Variants in GPC6 observed in about 807,000 individuals in gnomAD.
GPC6 encodes the protein glypican 6.
GPC6 carries 14 observed loss-of-function variants against 55.2 expected under a neutral mutation model. That is an observed-to-expected ratio of 0.25 (90% CI 0.17 to 0.40). GPC6 has a LOEUF of 0.40. GPC6 is among the 10% of genes least tolerant of loss of function. The pLI is 1.00. For synonymous variants in GPC6, 278 were observed against 259.6 expected, an observed-to-expected ratio of 1.07 and a Z score of -0.68; for missense variants, 641 against 708.5, an observed-to-expected ratio of 0.90 and a Z score of 1.08.
intron 2 of GPC6, among the ~76,000 whole-genome samples, chr13:93,764,115 T>C (rs1397077866): frequency 6.6e-6 from 1 of 152,152 alleles, no homozygotes; most frequent in Non-Finnish European, 1.5e-5. Context: ...TCCTCTTAAT[T>C]TAGATACCTA....
upstream of GPC6, among the ~76,000 whole-genome samples, chr13:93,224,613 C>T (rs1027235396): frequency 6.6e-6 from 1 of 152,344 alleles, no homozygotes; most frequent in East Asian, 1.9e-4. Context: ...CAGATGCCTG[C>T]TCCTCCATAT....
intron 1 of GPC6, among the ~76,000 whole-genome samples, chr13:93,486,057 A>C (rs530408016): frequency 1.3e-5 from 2 of 152,238 alleles, no homozygotes; most frequent in Non-Finnish European, 2.9e-5. Flanking sequence ...TAATAAGCCA[A>C]GCAAGAAAAT....
chr13:93,598,417 G>A (rs1051109242), intron 2 of GPC6, among the ~76,000 whole-genome samples: 2 of 152,098 alleles, frequency 1.3e-5, no homozygotes, highest in African/African-American at 2.4e-5. Context: ...TGGGACTCAG[G>A]TGAATTAGTA....
chr13:94,307,626 C>A (rs1390257600), intron 6 of GPC6, among the ~76,000 whole-genome samples: 2 of 152,200 alleles, frequency 1.3e-5, no homozygotes, highest in Non-Finnish European at 2.9e-5. Context: ...TACATCTATT[C>A]TCTATTGCAG....
At chr13:94,267,729 T>C (rs1379485711) in intron 4 of GPC6, among the ~76,000 whole-genome samples, 1 of 152,206 alleles carries the variant, frequency 6.6e-6, no homozygotes, top group East Asian at 1.9e-4. Flanking sequence ...TGCTTTGCTG[T>C]GATGAGTGAG....
intron 2 of GPC6, among the ~76,000 whole-genome samples, chr13:93,704,528 G>T (rs181766875): frequency 3.5e-4 from 53 of 151,746 alleles, no homozygotes; most frequent in African/African-American, 1.2e-3. Context: ...TTTCTTAACT[G>T]CATTATTTAA....
intron 3 of GPC6, among the ~76,000 whole-genome samples, chr13:93,904,903 T>C (rs1164582436): frequency 6.6e-6 from 1 of 151,316 alleles, no homozygotes; most frequent in South Asian, 2.1e-4. Context: ...ATTAGGTATA[T>C]CTCCCAATGC....
intron 4 of GPC6, among the ~76,000 whole-genome samples, chr13:94,034,956 A>G (rs1883282947): frequency 6.6e-6 from 1 of 150,882 alleles, no homozygotes; most frequent in Non-Finnish European, 1.5e-5. Context: ...GAAGTTTACT[A>G]AAGTACGACT....
At chr13:93,399,316 C>T (rs1875982146) in intron 1 of GPC6, among the ~76,000 whole-genome samples, 1 of 152,216 alleles carries the variant, frequency 6.6e-6, no homozygotes. Context: ...TGTTTTAACA[C>T]TGTTCTTCTT....
chr13:93,559,207 C>T (rs1297647926), intron 2 of GPC6, among the ~76,000 whole-genome samples: 2 of 152,148 alleles, frequency 1.3e-5, no homozygotes, highest in African/African-American at 4.8e-5. Context: ...GCTGTGTATA[C>T]CACATCTCAG....
chr13:93,963,032 T>A (rs1002505436), intron 3 of GPC6, among the ~76,000 whole-genome samples: 2 of 152,152 alleles, frequency 1.3e-5, no homozygotes, highest in African/African-American at 4.8e-5. Flanking sequence ...CATATTTTTA[T>A]GTGAAGCATA....
At chr13:93,442,825 AG>A (rs1156579436) in intron 1 of GPC6, among the ~76,000 whole-genome samples, 1 of 146,748 alleles carries the variant, frequency 6.8e-6, no homozygotes, top group Non-Finnish European at 1.5e-5. Context: ...AAAAAATCAG[AG>A]GGACATTCTC....
intron 3 of GPC6, among the ~76,000 whole-genome samples, chr13:93,983,060 T>C (rs1234008789): frequency 3.9e-5 from 6 of 152,202 alleles, no homozygotes; most frequent in Non-Finnish European, 5.9e-5. Context: ...ATCTTCTGCC[T>C]TTTGCAAACT....
chr13:93,538,230 A>G (rs1281534711), intron 1 of GPC6, among the ~76,000 whole-genome samples: 1 of 152,126 alleles, frequency 6.6e-6, no homozygotes, highest in African/African-American at 2.4e-5. Context: ...TTTTCTTCTA[A>G]GTAGTAGTAG....
chr13:94,292,794 G>T (rs1875063269), intron 5 of GPC6, among the ~76,000 whole-genome samples: 1 of 152,070 alleles, frequency 6.6e-6, no homozygotes, highest in South Asian at 2.1e-4. Context: ...CTAAAGAAAA[G>T]ATTTATTCTC....
chr13:93,551,588 G>C (rs774296607), intron 2 of GPC6, among the ~76,000 whole-genome samples: 60 of 152,154 alleles, frequency 3.9e-4, no homozygotes, highest in Non-Finnish European at 5.9e-4. Flanking sequence ...AACTAGAATT[G>C]CCACACTGTC....
chr13:94,091,154 A>G (rs936433358), intron 4 of GPC6, among the ~76,000 whole-genome samples: 2 of 152,182 alleles, frequency 1.3e-5, no homozygotes, highest in Non-Finnish European at 2.9e-5. Context: ...GTTTTATCAA[A>G]GATAATATTT....
intron 2 of GPC6, among the ~76,000 whole-genome samples, chr13:93,616,453 C>G (rs1169591546): frequency 6.6e-6 from 1 of 152,080 alleles, no homozygotes; most frequent in East Asian, 1.9e-4. Context: ...CACCTTAAAA[C>G]TTTACATTCG....
intron 1 of GPC6, among the ~76,000 whole-genome samples, chr13:93,362,729 A>G (rs140835184): frequency 6.6e-6 from 1 of 152,282 alleles, no homozygotes; most frequent in East Asian, 1.9e-4. Flanking sequence ...TTACATAGGA[A>G]AAGTCATTTT....
Sources: gnomAD v4.1 joint callset for allele counts (sites outside exome capture counted in the v4.1 genomes callset) on GRCh38, gnomAD v4.1.1 for gene constraint, MANE v1.5 for transcripts, NCBI Gene and HGNC (gene_info 2026-07-23, HGNC 2026-07-21) for gene names.